The following C11orf91 variants were observed in gnomAD, a reference collection of about 807,000 sequenced individuals.
The protein encoded by C11orf91 is uncharacterized protein C11orf91.
Under a neutral mutation model 14.3 loss-of-function variants are expected in C11orf91, and 10 were observed. That is an observed-to-expected ratio of 0.70 (90% CI 0.43 to 1.18). C11orf91 has a LOEUF of 1.18. C11orf91 is among the 50% of genes most tolerant of loss of function. The pLI, the probability that C11orf91 is intolerant of heterozygous loss-of-function variation, is 0.00. For missense variants in C11orf91, 236 were observed against 269.0 expected (o/e 0.88, Z 0.86); for synonymous variants, 141 against 130.6 (o/e 1.08, Z -0.54).
At position 33,698,397 on chromosome 11, in the gene C11orf91, A is replaced by T. The variant is rs1590495557; in HGVS notation, c.*32T>A. On this transcript the variant is annotated 3_prime_UTR_variant, in exon 2 of 2. Transcript: ENST00000379011. Reference sequence around the variant, plus strand: ...ATTATCTAAGCACTAACACCTAAGGAGGTGGCTGCCCAAGCTCTGGTAGGC... The same window carrying T: ...ATTATCTAAGCACTAACACCTAAGGTGGTGGCTGCCCAAGCTCTGGTAGGC... 2.3e-6 allele frequency: 3 copies of T among 1,284,308 alleles called. No homozygotes were observed. In the East Asian group the frequency reaches 7.5e-5, roughly 32 times the overall value. The allele number at this position is 1,284,308 out of a possible 1,614,324, so 79.6% of individuals were successfully genotyped here. A position where few individuals can be genotyped will look rare whatever the true frequency, so the allele number is the denominator to read the frequency against.
chr11:33,698,676 T>G (rs117079787), intron 1 of C11orf91, among the ~76,000 whole-genome samples, 162 bp from the exon 2 acceptor site: 2,581 of 151,526 alleles, frequency 0.017, 40 homozygotes, highest in Non-Finnish European at 0.029. Context: ...ACTCTGACTG[T>G]AAAAACATGT....
Position 33,700,491 on chromosome 11 carries a change from G to T in C11orf91, c.250C>A (p.Pro84Thr). The part of the protein sequence containing the change: ...PPPPPPPGLG[P>T]SSERPWPSPW... ...GAGGGCCAGGGGCGCTCGCTGGAGG[G>T]ACCCAGGCCGGGTGGTGGCGGGGGC... The change falls in exon 1 of 2, where the codon CCC becomes ACC. Residue 84 changes from proline to threonine, a missense_variant. By Grantham distance (38) the Pro-to-Thr change is conservative. Transcript: ENST00000379011. 1 of 939,936 alleles carries T rather than the reference G, an allele frequency of 1.1e-6. No individual in the cohort carries two copies. The allele number at this position is 939,936 out of a possible 1,614,324, so 58.2% of individuals were successfully genotyped here.
upstream of C11orf91, chr11:33,700,942 TG>T: frequency 2.4e-6 from 1 of 420,524 alleles, no homozygotes; most frequent in Non-Finnish European, 4.0e-6. Flanking sequence ...CCACCTCGGC[TG>T]GCCGCACCCC....
At chr11:33,701,339 A>G (rs1194655547), upstream of C11orf91, among the ~76,000 whole-genome samples, 1 of 152,188 alleles carries the variant, frequency 6.6e-6, no homozygotes, top group Non-Finnish European at 1.5e-5. Flanking sequence ...TATCTGCCAA[A>G]CGTTAGCAGT....
upstream of C11orf91, chr11:33,705,574 G>A (rs993932576): frequency 6.6e-6 from 1 of 152,242 alleles, no homozygotes; most frequent in African/African-American, 2.4e-5. Flanking sequence ...AGGGGCTCTT[G>A]GGCCTTTGGC....
intron 1 of C11orf91, 27 bp from the exon 2 acceptor site, chr11:33,698,541 C>T (rs111357194): frequency 7.4e-6 from 11 of 1,483,384 alleles, no homozygotes; most frequent in African/African-American, 2.8e-5. Context: ...CAAACTTAGC[C>T]GTAATAGAGA....
In C11orf91 at chr11:33,700,597, C is replaced by A. The variant is rs761754589; in HGVS notation, c.144G>T (p.Pro48=). ...CCACTGGCGCCCCGCCCGCCTTCAGCGGCACGAAGAGCTTCTTCCAGATGT... is the reference window on the plus strand; with the variant it reads ...CCACTGGCGCCCCGCCCGCCTTCAGAGGCACGAAGAGCTTCTTCCAGATGT... ...DFNIWKKLFV[P]LKAGGAPVGG... is the part of the protein sequence containing the mutation. Residue 48 remains proline (P), a synonymous_variant, in exon 1 of 2, where the codon CCG becomes CCT. Transcript: ENST00000379011. The A allele has an allele frequency of 1.4e-6, 2 of 1,463,248 alleles. No homozygotes were observed. The highest frequency in any genetic ancestry group is 1.3e-5 in the South Asian group (1 of 75,146). The allele number at this position is 1,463,248 out of a possible 1,614,324, so 90.6% of individuals were successfully genotyped here. A position where few individuals can be genotyped will look rare whatever the true frequency, so the allele number is the denominator to read the frequency against.
Position 33,700,781 on chromosome 11 carries a change from G to C in C11orf91, c.-41C>G, listed in dbSNP as rs1590497905. On this transcript the variant is annotated 5_prime_UTR_variant, in exon 1 of 2. Transcript: ENST00000379011. ...CTGCGTGGGAGGAACCCCGCGCCGG[G>C]AGACGCGCGCTCAGGCCCCGAGTCG... The C allele has an allele frequency of 7.9e-7, 1 of 1,264,878 alleles. No homozygotes were observed. Among genetic ancestry groups the C allele is most frequent in the Non-Finnish European group, 9.9e-7 (1 of 1,006,838 alleles). The allele number at this position is 1,264,878 out of a possible 1,614,324, so 78.4% of individuals were successfully genotyped here.
upstream of C11orf91, among the ~76,000 whole-genome samples, chr11:33,701,054 T>C (rs1275021726): frequency 6.6e-6 from 1 of 152,182 alleles, no homozygotes; most frequent in Non-Finnish European, 1.5e-5. Context: ...CTGGCTTCCG[T>C]TGTCATATCC....
chr11:33,701,234 T>C (rs574194813), upstream of C11orf91, among the ~76,000 whole-genome samples: 21 of 152,320 alleles, frequency 1.4e-4, no homozygotes, highest in East Asian at 2.5e-3. Context: ...CAAAGAAGTC[T>C]GAGAAAATCA....
chr11:33,700,511 G>A lies in C11orf91; in HGVS notation c.230C>T (p.Pro77Leu). 7.4e-7 allele frequency: 1 copy of A among 1,342,388 alleles called. No homozygotes were observed. Among genetic ancestry groups the A allele is most frequent in the Non-Finnish European group, 9.5e-7 (1 of 1,056,958 alleles). 83.2% of individuals were successfully genotyped at this position (1,342,388 alleles called of 1,614,324 possible). Residue 77 changes from proline (P) to leucine (L), a missense_variant, in exon 1 of 2, where the codon CCG (proline) becomes CTG (leucine). Coordinates refer to ENST00000379011, the MANE Select transcript of C11orf91 (RefSeq NM_001166692.2). ...QALPAPAPPP[P>L]PPPGLGPSSE... ...GGAGGGACCCAGGCCGGGTGGTGGC[G>A]GGGGCGGGGGCGCCGGGGCGGGGAG...
chr11:33,699,963 G>A (rs946237098), intron 1 of C11orf91, among the ~76,000 whole-genome samples: 9 of 152,336 alleles, frequency 5.9e-5, no homozygotes, highest in African/African-American at 1.9e-4. Flanking sequence ...GGCGGATGGA[G>A]TTCCAGGTGT....
At chr11:33,698,921 C>T (rs1309020062) in intron 1 of C11orf91, among the ~76,000 whole-genome samples, 1 of 151,448 alleles carries the variant, frequency 6.6e-6, no homozygotes, top group Admixed American at 6.6e-5. Flanking sequence ...GATGAGATTA[C>T]AAATGTGTGC....
Position 33,700,321 on chromosome 11 carries a change from C to G in C11orf91, c.420G>C (p.Glu140Asp), listed in dbSNP as rs886224922. ...TAATCCGGATCTCCAGCTCGCAGAG[C>G]TCCTCCGGGTGGGAGGCAGAGGCGA... ...PRLASASHPE[E>D]LCELEIRIKE... The change falls in exon 1 of 2, where the codon GAG becomes GAC. Residue 140 changes from glutamate (E) to aspartate (D), a missense_variant. Physicochemically the swap from Glu to Asp is conservative, Grantham distance 45 (BLOSUM62 2). Transcript: ENST00000379011. 16 of 1,535,296 alleles carry G rather than the reference C, an allele frequency of 1.0e-5. No homozygotes were observed. The African/African-American group carries it at 1.8e-4, about 17-fold the overall frequency.
At chr11:33,699,791 C>T (rs1853089799) in intron 1 of C11orf91, among the ~76,000 whole-genome samples, 1 of 152,236 alleles carries the variant, frequency 6.6e-6, no homozygotes, top group African/African-American at 2.4e-5. Context: ...CCACCTCCCC[C>T]TACAGACAAC....
At chr11:33,702,659 C>A, upstream of C11orf91, 1 of 280,370 alleles carries the variant, frequency 3.6e-6, no homozygotes, top group Non-Finnish European at 7.3e-6. Flanking sequence ...CTGTAAGAAC[C>A]CCATGTACCT....
upstream of C11orf91, among the ~76,000 whole-genome samples, chr11:33,701,277 C>T (rs831616): frequency 0.27 from 41,701 of 152,160 alleles, 5,894 homozygotes; most frequent in East Asian, 0.45. Context: ...CTGTGGGAGG[C>T]AGACAAAGGA....
chr11:33,702,814 A>T (rs1211843940), upstream of C11orf91: 6 of 249,376 alleles, frequency 2.4e-5, no homozygotes, highest in Non-Finnish European at 5.0e-5. Context: ...TGGACTCAAG[A>T]CTTGGGACCA....
intron 1 of C11orf91, among the ~76,000 whole-genome samples, 181 bp downstream of exon 1, chr11:33,700,064 T>TG (rs1169383193): frequency 1.3e-5 from 2 of 151,652 alleles, no homozygotes; most frequent in Admixed American, 1.3e-4. Flanking sequence ...AGATCTGTGG[T>TG]GGGGGGAGGA....
Sources: gnomAD v4.1 joint callset for allele counts (sites outside exome capture counted in the v4.1 genomes callset) on GRCh38, gnomAD v4.1.1 for gene constraint, MANE v1.5 for transcripts, NCBI Gene and HGNC (gene_info 2026-07-23, HGNC 2026-07-21) for gene names.